GRID2: variants seen among roughly 807,000 people sequenced by gnomAD.
GRID2 encodes the protein glutamate ionotropic receptor delta type subunit 2, also known as glutamate receptor ionotropic, delta-2.
Under a neutral mutation model 114.8 loss-of-function variants are expected in GRID2, and 33 were observed. That is an observed-to-expected ratio of 0.29 (90% confidence interval 0.22 to 0.38). The LOEUF (loss-of-function observed/expected upper bound fraction) is 0.38, where lower values mean the gene tolerates loss of function less well. Among genes scored for constraint, GRID2 ranks in the 10% least tolerant of loss-of-function variants. GRID2 has a pLI of 1.00. For missense variants in GRID2, 1,184 were observed against 1,257.7 expected, an observed-to-expected ratio of 0.94 and a Z score of 0.89; for synonymous variants, 505 against 449.9, an observed-to-expected ratio of 1.12 and a Z score of -1.55.
At chr4:92,429,381 T>C (rs6848180) in intron 1 of GRID2, among the ~76,000 whole-genome samples, 55,088 of 152,014 alleles carry the variant, frequency 0.36, 11,121 homozygotes, top group African/African-American at 0.55. Flanking sequence ...TTTCACTTAA[T>C]GTAATGTCCT....
chr4:93,299,409 G>A lies in GRID2; in HGVS notation c.1245+60919G>A, dbSNP rs566777639. On this transcript the variant is annotated intron_variant, in intron 8 of 15. Transcript: ENST00000282020. ...ATTCAATTTAAATGAGTATGTAAGC[G>A]CATTTTGCTGTTTGAAACGGGGAAA... is the stretch of plus-strand genomic sequence containing the variant. 4.3e-4 allele frequency among the ~76,000 whole-genome samples: 65 copies of A among 150,536 alleles called. No individual in the cohort carries two copies. The South Asian group carries it at 7.1e-3, about 16-fold the overall frequency.
intron 1 of GRID2, among the ~76,000 whole-genome samples, chr4:92,380,129 A>G (rs999232020): frequency 9.9e-5 from 15 of 151,814 alleles, no homozygotes; most frequent in Non-Finnish European, 7.4e-5. Context: ...AAGGCTAACA[A>G]TGAAGTTTGG....
chr4:93,131,145 A>ATTTTTTTTTTTTTTTTTT lies in GRID2; in HGVS notation c.735+20199_735+20216dup, dbSNP rs34215461. Among the ~76,000 whole-genome samples, 149 of 88,742 alleles carry ATTTTTTTTTTTTTTTTTT rather than the reference A, an allele frequency of 1.7e-3. 14 individuals are homozygous for ATTTTTTTTTTTTTTTTTT. The highest frequency in any genetic ancestry group is 2.8e-3 in the African/African-American group (54 of 19,068). The allele number at this position is 88,742 out of a possible 152,430, so 58.2% of individuals were successfully genotyped here. On this transcript the variant is annotated intron_variant, in intron 4 of 15. Transcript: ENST00000282020. ...AGAACTTCCATGAAAAGATTAAATA[A>ATTTTTTTTTTTTTTTTTT]TTTTTTTTTTTTTTTTTTTTTTTTG...
chr4:93,017,822 A>T (rs1269829908), intron 2 of GRID2, among the ~76,000 whole-genome samples: 2 of 149,854 alleles, frequency 1.3e-5, no homozygotes, highest in Non-Finnish European at 3.0e-5. Flanking sequence ...AAAAAAAAAA[A>T]GAAAAGAAAA....
intron 1 of GRID2, among the ~76,000 whole-genome samples, chr4:92,430,540 G>A (rs909933316): frequency 1.3e-5 from 2 of 152,034 alleles, no homozygotes; most frequent in East Asian, 1.9e-4. Flanking sequence ...GTCAGGTGAT[G>A]TGATTTTTAA....
At chr4:93,185,715 T>A (rs767612628) in intron 4 of GRID2, among the ~76,000 whole-genome samples, 1 of 152,196 alleles carries the variant, frequency 6.6e-6, no homozygotes, top group Non-Finnish European at 1.5e-5. Flanking sequence ...AAAAATAGTA[T>A]ATTTGATGAT....
At chr4:92,336,792 G>A (rs1289407501) in intron 1 of GRID2, among the ~76,000 whole-genome samples, 1 of 151,786 alleles carries the variant, frequency 6.6e-6, no homozygotes, top group African/African-American at 2.4e-5. Context: ...GTTTCTCAAA[G>A]GTGTCATGCT....
intron 2 of GRID2, among the ~76,000 whole-genome samples, chr4:92,946,899 G>A (rs1480043410): frequency 6.6e-6 from 1 of 151,992 alleles, no homozygotes; most frequent in Non-Finnish European, 1.5e-5. Flanking sequence ...GCTGATCTGA[G>A]AGCTGTAGTA....
At chr4:93,577,587 G>A (rs1005304026) in intron 13 of GRID2, among the ~76,000 whole-genome samples, 3 of 152,158 alleles carry the variant, frequency 2.0e-5, no homozygotes, top group African/African-American at 7.2e-5. Context: ...ATATTTTGGT[G>A]CATATTTATT....
At chr4:93,764,798 CT>C (rs1406272894) in intron 14 of GRID2, among the ~76,000 whole-genome samples, 3 of 152,182 alleles carry the variant, frequency 2.0e-5, no homozygotes, top group Admixed American at 6.5e-5. Context: ...CACAGTAACT[CT>C]TTGCTCTCTA....
At chr4:92,507,415 TTG>T (rs70940902) in intron 1 of GRID2, among the ~76,000 whole-genome samples, 33,104 of 149,140 alleles carry the variant, frequency 0.22, 4,009 homozygotes, top group Middle Eastern at 0.34. Flanking sequence ...TCGTGTATAA[TTG>T]TGTGTGTGTG....
chr4:92,565,554 T>C (rs1191824152), intron 1 of GRID2, among the ~76,000 whole-genome samples: 1 of 152,052 alleles, frequency 6.6e-6, no homozygotes, highest in Non-Finnish European at 1.5e-5. Context: ...TCTATCTATC[T>C]ATCTACTAAA....
intron 14 of GRID2, among the ~76,000 whole-genome samples, chr4:93,765,671 T>G (rs1560987609): frequency 6.7e-6 from 1 of 148,692 alleles, no homozygotes; most frequent in Non-Finnish European, 1.5e-5. Flanking sequence ...ATTTCTAAAG[T>G]CAAAATATTT....
intron 4 of GRID2, among the ~76,000 whole-genome samples, chr4:93,199,314 T>C (rs1414584757): frequency 6.6e-6 from 1 of 152,216 alleles, no homozygotes; most frequent in African/African-American, 2.4e-5. Flanking sequence ...ATGAATTTGC[T>C]TTTAATCACT....
At chr4:93,022,638 G>T (rs1207557056) in intron 2 of GRID2, among the ~76,000 whole-genome samples, 1 of 151,740 alleles carries the variant, frequency 6.6e-6, no homozygotes, top group Admixed American at 6.6e-5. Context: ...TCACAAAATT[G>T]CATCTTAATT....
intron 2 of GRID2, among the ~76,000 whole-genome samples, chr4:93,057,286 A>G (rs997091713): frequency 2.0e-5 from 3 of 151,864 alleles, no homozygotes; most frequent in South Asian, 2.1e-4. Flanking sequence ...TGACAGGTAC[A>G]TATTTCAGTG....
At chr4:92,703,567 G>A (rs575820656) in intron 2 of GRID2, among the ~76,000 whole-genome samples, 46 of 150,244 alleles carry the variant, frequency 3.1e-4, no homozygotes, top group African/African-American at 7.6e-4. Flanking sequence ...GTGATCCTGT[G>A]TATATTTCCA....
chr4:92,605,664 T>C (rs1035845413), intron 2 of GRID2, among the ~76,000 whole-genome samples: 6 of 152,126 alleles, frequency 3.9e-5, no homozygotes, highest in Non-Finnish European at 8.8e-5. Flanking sequence ...CATTCCAAGC[T>C]ATTTCATATG....
intron 8 of GRID2, among the ~76,000 whole-genome samples, chr4:93,319,298 G>A (rs930764584): frequency 8.6e-5 from 13 of 151,918 alleles, no homozygotes; most frequent in Non-Finnish European, 1.8e-4. Flanking sequence ...TAAGAATTTG[G>A]GTGCAGAGAT....
Sources: gnomAD v4.1 joint callset for allele counts (sites outside exome capture counted in the v4.1 genomes callset) on GRCh38, gnomAD v4.1.1 for gene constraint, MANE v1.5 for transcripts, NCBI Gene and HGNC (gene_info 2026-07-23, HGNC 2026-07-21) for gene names.